RNLS: variants seen among roughly 807,000 people sequenced by gnomAD.
The protein encoded by RNLS is renalase.
RNLS carries 39 observed loss-of-function variants against 39.8 expected under a neutral mutation model. That is an observed-to-expected ratio of 0.98 (90% CI 0.76 to 1.28). The LOEUF is 1.28. RNLS is among the 50% of genes most tolerant of loss of function. The pLI, the probability that RNLS is intolerant of heterozygous loss-of-function variation, is 0.00. For missense variants in RNLS, 410 were observed against 413.3 expected (o/e 0.99, Z 0.07); for synonymous variants, 147 against 150.7 (o/e 0.98, Z 0.18).
chr10:88,369,021 C>T (rs1850333300), intron 4 of RNLS, among the ~76,000 whole-genome samples: 1 of 152,166 alleles, frequency 6.6e-6, no homozygotes, highest in South Asian at 2.1e-4. Flanking sequence ...TATATTTTCT[C>T]TTTTGCAAAC....
chr10:88,528,788 G>A (rs1486304404), intron 4 of RNLS, among the ~76,000 whole-genome samples: 1 of 151,266 alleles, frequency 6.6e-6, no homozygotes, highest in East Asian at 1.9e-4. Flanking sequence ...AGGAGGCGGA[G>A]GTTGCAGTGA....
At chr10:88,526,258 A>T (rs1847093696) in intron 4 of RNLS, among the ~76,000 whole-genome samples, 1 of 151,462 alleles carries the variant, frequency 6.6e-6, no homozygotes. Context: ...TTTAGAAATC[A>T]TACTAGATGA....
chr10:88,277,343 G>C (rs546092603), intron 6 of RNLS, among the ~76,000 whole-genome samples: 7 of 152,238 alleles, frequency 4.6e-5, no homozygotes, highest in African/African-American at 1.7e-4. Flanking sequence ...TGGGGGGTTG[G>C]GGGAGGGATA....
At chr10:88,201,376 A>G in the RNLS span, among the ~76,000 whole-genome samples, 6,910 of 152,144 alleles carry the variant, frequency 0.045, 228 homozygotes, top group East Asian at 0.091. Flanking sequence ...GATGCATGCC[A>G]ACCCTGGGCC....
intron 4 of RNLS, among the ~76,000 whole-genome samples, chr10:88,483,568 C>A (rs1844327211): frequency 6.6e-6 from 1 of 151,896 alleles, no homozygotes; most frequent in African/African-American, 2.4e-5. Context: ...ATGTCATAGA[C>A]CTTGTTTACT....
intron 3 of RNLS, among the ~76,000 whole-genome samples, chr10:88,580,251 C>A (rs962982948): frequency 1.3e-5 from 2 of 152,130 alleles, no homozygotes; most frequent in African/African-American, 4.8e-5. Flanking sequence ...CACACACATA[C>A]CCTATTGGTT....
chr10:88,579,570 GCACA>G (rs1850411354), intron 3 of RNLS, among the ~76,000 whole-genome samples: 1 of 152,114 alleles, frequency 6.6e-6, no homozygotes, highest in Admixed American at 6.5e-5. Flanking sequence ...CTAAGCTCCT[GCACA>G]TGCATGCATG....
chr10:88,520,653 A>G (rs991771280), intron 4 of RNLS, among the ~76,000 whole-genome samples: 2 of 152,060 alleles, frequency 1.3e-5, no homozygotes, highest in South Asian at 2.1e-4. Flanking sequence ...CAGATGATCC[A>G]TATCTCTGAA....
At chr10:88,441,662 G>A (rs1841721740) in intron 4 of RNLS, among the ~76,000 whole-genome samples, 1 of 152,172 alleles carries the variant, frequency 6.6e-6, no homozygotes, top group South Asian at 2.1e-4. Flanking sequence ...AGTGAGGGCT[G>A]CCTTTCTATG....
At chr10:88,201,125 G>A in the RNLS span, among the ~76,000 whole-genome samples, 37 of 152,084 alleles carry the variant, frequency 2.4e-4, no homozygotes, top group Non-Finnish European at 4.7e-4. Flanking sequence ...CCATAGACCA[G>A]TCATTGGATA....
intron 4 of RNLS, among the ~76,000 whole-genome samples, chr10:88,569,870 C>G (rs1849725079): frequency 6.6e-6 from 1 of 152,012 alleles, no homozygotes; most frequent in African/African-American, 2.4e-5. Flanking sequence ...AAGATTATAT[C>G]ATAGTATTCT....
chr10:88,516,892 T>C (rs1846434631), intron 4 of RNLS, among the ~76,000 whole-genome samples: 3 of 151,998 alleles, frequency 2.0e-5, no homozygotes, highest in African/African-American at 4.8e-5. Flanking sequence ...ATACCGACTT[T>C]GACAAACTGT....
the RNLS span, among the ~76,000 whole-genome samples, chr10:88,250,231 T>C: frequency 6.6e-6 from 1 of 152,240 alleles, no homozygotes; most frequent in African/African-American, 2.4e-5. Flanking sequence ...GTTTCCTCCA[T>C]TATTAGCACA....
intron 4 of RNLS, among the ~76,000 whole-genome samples, chr10:88,373,053 T>G (rs895666008): frequency 1.3e-5 from 2 of 152,138 alleles, no homozygotes; most frequent in African/African-American, 4.8e-5. Context: ...CTTCCCAGCC[T>G]ATCCATCTAA....
At chr10:88,328,279 A>AT (rs57875803) in intron 5 of RNLS, among the ~76,000 whole-genome samples, 3 of 151,868 alleles carry the variant, frequency 2.0e-5, no homozygotes, top group Admixed American at 6.6e-5. Flanking sequence ...TTGCATTATG[A>AT]TTTTTTTTGT....
intron 6 of RNLS, among the ~76,000 whole-genome samples, chr10:88,288,308 A>C (rs1820178507): frequency 6.6e-6 from 1 of 152,148 alleles, no homozygotes; most frequent in Non-Finnish European, 1.5e-5. Context: ...GTAGATAAAG[A>C]AACAGGGATT....
chr10:88,445,587 C>T (rs1373426242), intron 4 of RNLS, among the ~76,000 whole-genome samples: 1 of 152,124 alleles, frequency 6.6e-6, no homozygotes, highest in East Asian at 1.9e-4. Flanking sequence ...TGTAGCGACA[C>T]ACATAGGCTC....
chr10:88,289,761 A>G (rs187325689), intron 6 of RNLS, among the ~76,000 whole-genome samples: 48 of 152,288 alleles, frequency 3.2e-4, no homozygotes, highest in Admixed American at 1.6e-3. Flanking sequence ...TCTTGACAGA[A>G]AACCTACACA....
intron 5 of RNLS, among the ~76,000 whole-genome samples, chr10:88,361,361 T>G (rs536942596): frequency 1.3e-5 from 2 of 152,322 alleles, no homozygotes; most frequent in African/African-American, 2.4e-5. Flanking sequence ...TTAAATTTTT[T>G]TTTCTGTTAT....
Sources: allele counts gnomAD v4.1 joint callset (sites outside exome capture counted in the v4.1 genomes callset), GRCh38; gene constraint gnomAD v4.1.1; transcripts MANE v1.5; gene names NCBI Gene and HGNC (gene_info 2026-07-23, HGNC 2026-07-21).